The following UBN2 variants were observed in gnomAD, a reference collection of about 807,000 sequenced individuals.
UBN2 encodes ubinuclein 2.
UBN2 carries 35 observed loss-of-function variants against 120.2 expected under a neutral mutation model. The observed-to-expected ratio is 0.29, with a 90% CI of 0.22 to 0.39. The LOEUF is 0.39. Ranked by LOEUF, UBN2 falls within the 10% of genes least tolerant of loss-of-function variation. The pLI is 1.00. For missense variants in UBN2, 1,693 were observed against 1,663.2 expected, an observed-to-expected ratio of 1.02 and a Z score of -0.31; for synonymous variants, 661 against 648.7, an observed-to-expected ratio of 1.02 and a Z score of -0.29.
At position 139,261,665 on chromosome 7, in the gene UBN2, T is replaced by G. The variant is rs1563211764; in HGVS notation, c.1319T>G (p.Val440Gly). The G allele has an allele frequency of 6.2e-7, 1 of 1,614,148 alleles. No homozygotes were observed. Among genetic ancestry groups the G allele is most frequent in the Non-Finnish European group, 8.5e-7 (1 of 1,180,030 alleles). ...TTTQPTYTSQ[V>G]MPKVVPTLPE... ...ACCCAGCCAACCTACACTTCTCAGG[T>G]TATGCCCAAAGTGGTACCTACACTC... The change falls in exon 6 of 18, where the codon GTT (valine) becomes GGT (glycine). Residue 440 changes from valine (V) to glycine (G), a missense_variant. Transcript: ENST00000473989.
intron 3 of UBN2, among the ~76,000 whole-genome samples, chr7:139,257,924 T>C (rs1796810154): frequency 6.6e-6 from 1 of 152,042 alleles, no homozygotes. Context: ...TCGCTGGGCT[T>C]ACTACGCCCA....
rs1023525879 is a variant in UBN2 at position 139,301,074 on chromosome 7, A to G, written c.*3238A>G. 2 of 152,202 alleles carry G rather than the reference A, an allele frequency of 1.3e-5. No individual in the cohort carries two copies. Among genetic ancestry groups the G allele is most frequent in the African/African-American group, 2.4e-5 (1 of 41,462 alleles). The allele number at this position is 152,202 out of a possible 1,614,324, so 9.4% of individuals were successfully genotyped here. On this transcript the variant is annotated 3_prime_UTR_variant, in exon 18 of 18. Coordinates refer to ENST00000473989, the MANE Select transcript of UBN2 (RefSeq NM_173569.4). ...GGAAATTAGAAGATGGTGATAGTGC[A>G]TTCTTTTGTGCCCACCCCCCCTCTG... is the stretch of plus-strand genomic sequence containing the variant.
Position 139,259,313 on chromosome 7 carries a change from G to A in UBN2, c.848G>A (p.Arg283Gln), listed in dbSNP as rs765303078. The A allele has an allele frequency of 8.7e-6, 14 of 1,613,748 alleles. No individual in the cohort carries two copies. The highest frequency in any genetic ancestry group is 2.2e-5 in the East Asian group (1 of 44,872). ...GATATTGAGATGAAGAAGCGGAAGC[G>A]GAAAGAGGAAGGGGAAAAGGAGAAG... ...EDDIEMKKRKRKEEGEKEKKP... is the reference protein window; with the variant it reads ...EDDIEMKKRKQKEEGEKEKKP... Residue 283 changes from arginine to glutamine, a missense_variant, in exon 5 of 18, where the codon CGG becomes CAG. Arg to Gln is a conservative substitution (Grantham distance 43). Coordinates refer to ENST00000473989, the MANE Select transcript of UBN2 (RefSeq NM_173569.4).
intron 7 of UBN2, 70 bp from the exon 8 acceptor site, chr7:139,269,324 C>A: frequency 6.8e-7 from 1 of 1,468,644 alleles, no homozygotes; most frequent in Non-Finnish European, 9.2e-7. Context: ...ACTGGCTTTG[C>A]TTTCTTGTCT....
At chr7:139,327,501 G>C in the UBN2 span, among the ~76,000 whole-genome samples, 1 of 152,114 alleles carries the variant, frequency 6.6e-6, no homozygotes, top group South Asian at 2.1e-4. Flanking sequence ...CCTTTGTGTT[G>C]TGTCAGAAGG....
rs376185098 is a variant in UBN2 at position 139,258,460 on chromosome 7, G to A, written c.664-28G>A. Reference sequence around the variant, plus strand: ...ATAGAGTTAAAGACAACAGGATATAGCGGAAACTTTTTTGTTTTTTAATCT... The same window carrying A: ...ATAGAGTTAAAGACAACAGGATATAACGGAAACTTTTTTGTTTTTTAATCT... On this transcript the variant is annotated intron_variant, in intron 3 of 17. Coordinates refer to ENST00000473989, the MANE Select transcript of UBN2 (RefSeq NM_173569.4). 66 of 1,526,558 alleles carry A rather than the reference G, an allele frequency of 4.3e-5. No individual in the cohort carries two copies. The African/African-American group carries it at 7.5e-4, about 17-fold the overall frequency. The allele number at this position is 1,526,558 out of a possible 1,614,324, so 94.6% of individuals were successfully genotyped here. A position where few individuals can be genotyped will look rare whatever the true frequency, so the allele number is the denominator to read the frequency against.
intron 2 of UBN2, 101 bp downstream of exon 2, chr7:139,237,198 A>G (rs985314726): frequency 1.5e-5 from 10 of 666,060 alleles, no homozygotes; most frequent in South Asian, 1.3e-4. Flanking sequence ...TGCCTGCCTT[A>G]CTTTGTTCTC....
At chr7:139,257,677 A>G (rs1796802102) in intron 3 of UBN2, among the ~76,000 whole-genome samples, 1 of 151,762 alleles carries the variant, frequency 6.6e-6, no homozygotes, top group Non-Finnish European at 1.5e-5. Flanking sequence ...TGGCCTCCCA[A>G]AGTGCTGAGA....
intron 15 of UBN2, among the ~76,000 whole-genome samples, chr7:139,290,363 GAA>G (rs1797918072): frequency 6.6e-6 from 1 of 152,172 alleles, no homozygotes; most frequent in African/African-American, 2.4e-5. Context: ...CACAGTACAG[GAA>G]AAGACAGGCA....
intron 9 of UBN2, 101 bp downstream of exon 9, chr7:139,272,541 T>TGTATGTATGTATGTATGTA: frequency 3.6e-6 from 3 of 822,256 alleles, no homozygotes; most frequent in Admixed American, 2.6e-5. Context: ...TATGTATGTA[T>TGTATGTATGTATGTATGTA]TTTGAGACGG....
chr7:139,248,613 T>C (rs1796535583), intron 2 of UBN2, among the ~76,000 whole-genome samples: 1 of 152,226 alleles, frequency 6.6e-6, no homozygotes, highest in South Asian at 2.1e-4. Flanking sequence ...TGTTCATTAA[T>C]CTTTTTATTC....
chr7:139,286,403 T>C (rs1400950417), intron 15 of UBN2, among the ~76,000 whole-genome samples: 1 of 152,212 alleles, frequency 6.6e-6, no homozygotes, highest in African/African-American at 2.4e-5. Context: ...TCTTCTGTTA[T>C]TGTTTTCATC....
chr7:139,284,717 G>A (rs1341748839), intron 15 of UBN2, 143 bp downstream of exon 15: 5 of 724,508 alleles, frequency 6.9e-6, no homozygotes, highest in Non-Finnish European at 1.1e-5. Flanking sequence ...GAATGTTCCT[G>A]ATGCTGACAT....
chr7:139,246,377 T>G (rs973379975), intron 2 of UBN2, among the ~76,000 whole-genome samples: 13 of 151,872 alleles, frequency 8.6e-5, no homozygotes, highest in Admixed American at 4.6e-4. Context: ...CAAAAAAAAT[T>G]TGAGGGAAGA....
At chr7:139,274,224 T>A in intron 11 of UBN2, 150 bp downstream of exon 11, 1 of 744,962 alleles carries the variant, frequency 1.3e-6, no homozygotes, top group Non-Finnish European at 2.0e-6. Context: ...GATCCTTGCT[T>A]TGAAAACCTT....
Position 139,261,305 on chromosome 7 carries a change from ATTCTCT to A in UBN2, c.966_971del (p.Ser323_Leu324del). 3 of 1,613,062 alleles carry A rather than the reference ATTCTCT, an allele frequency of 1.9e-6. No individual in the cohort carries two copies. The highest frequency in any genetic ancestry group is 2.5e-6 in the Non-Finnish European group (3 of 1,179,780). On this transcript the variant is annotated inframe_deletion, in exon 6 of 18. Transcript: ENST00000473989. ...GAAAAAAAGAAGAAACGTTATAAAG[ATTCTCT>A]TTCTCTAGCTGCCATGATTAGAAAA...
chr7:139,274,108 TTTA>T lies in UBN2; in HGVS notation c.1973+43_1973+45del, dbSNP rs750182877. Reference sequence around the variant, plus strand: ...TGTGACTTACTGGATTTTATTTTATTTTATTATTATTGCTGTTATTAAAGATAT... The same window carrying T: ...TGTGACTTACTGGATTTTATTTTATTTTATTATTGCTGTTATTAAAGATAT... On this transcript the variant is annotated intron_variant, in intron 11 of 17. Transcript: ENST00000473989. 8 of 1,549,182 alleles carry T rather than the reference TTTA, an allele frequency of 5.2e-6. No individual in the cohort carries two copies. The Admixed American group carries it at 1.3e-4, about 25-fold the overall frequency.
chr7:139,279,194 T>C, intron 12 of UBN2, 124 bp from the exon 13 acceptor site: 1 of 755,976 alleles, frequency 1.3e-6, no homozygotes, highest in Non-Finnish European at 2.2e-6. Context: ...TTAAATACGG[T>C]TCCTTCAAAG....
At chr7:139,297,083 A>G (rs1585034409) in intron 17 of UBN2, among the ~76,000 whole-genome samples, 1 of 151,296 alleles carries the variant, frequency 6.6e-6, no homozygotes, top group Non-Finnish European at 1.5e-5. Context: ...AATCCCAGCT[A>G]CTCGGGAGGC....
Sources: gnomAD v4.1 joint callset for allele counts (sites outside exome capture counted in the v4.1 genomes callset) on GRCh38, gnomAD v4.1.1 for gene constraint, MANE v1.5 for transcripts, NCBI Gene and HGNC (gene_info 2026-07-23, HGNC 2026-07-21) for gene names.